HIPK2: variants seen among roughly 807,000 people sequenced by gnomAD.
HIPK2 encodes homeodomain interacting protein kinase 2.
HIPK2 carries 27 observed loss-of-function variants against 113.7 expected under a neutral mutation model. That is an observed-to-expected ratio of 0.24 (90% CI 0.17 to 0.33). The LOEUF (loss-of-function observed/expected upper bound fraction) is 0.33, where lower values mean the gene tolerates loss of function less well. Ranked by LOEUF, HIPK2 falls within the 10% of genes least tolerant of loss-of-function variation. The pLI, the probability that HIPK2 is intolerant of heterozygous loss-of-function variation, is 1.00. For synonymous variants in HIPK2, 631 were observed against 642.2 expected (o/e 0.98, Z 0.26); for missense variants, 1,257 against 1,588.0 (o/e 0.79, Z 3.54).
chr7:139,682,644 C>A (rs1207190718), intron 2 of HIPK2, among the ~76,000 whole-genome samples: 2 of 152,234 alleles, frequency 1.3e-5, no homozygotes, highest in Non-Finnish European at 2.9e-5. Context: ...TGCACCATGT[C>A]CTGCCACACA....
At chr7:139,689,902 C>G (rs1247881300) in intron 2 of HIPK2, among the ~76,000 whole-genome samples, 4 of 152,088 alleles carry the variant, frequency 2.6e-5, no homozygotes, top group Non-Finnish European at 4.4e-5. Context: ...GGACAAAGGC[C>G]TCAGGCAGCC....
At chr7:139,626,101 T>C (rs1200507958) in intron 6 of HIPK2, among the ~76,000 whole-genome samples, 1 of 145,688 alleles carries the variant, frequency 6.9e-6, no homozygotes, top group Admixed American at 6.6e-5. Context: ...TTTCTTTTTT[T>C]CTTTCCTTTT....
At chr7:139,607,331 A>T (rs80127504) in intron 9 of HIPK2, among the ~76,000 whole-genome samples, 1 of 152,132 alleles carries the variant, frequency 6.6e-6, no homozygotes, top group Non-Finnish European at 1.5e-5. Context: ...GAAAAAAAAA[A>T]TCCAGATTAA....
intron 1 of HIPK2, among the ~76,000 whole-genome samples, chr7:139,727,294 A>G (rs141586804): frequency 3.9e-5 from 6 of 152,334 alleles, no homozygotes; most frequent in African/African-American, 1.4e-4. Flanking sequence ...AAACAGAGAA[A>G]GAGTGGCAGA....
At chr7:139,760,837 C>G (rs1256215288) in intron 1 of HIPK2, among the ~76,000 whole-genome samples, 3 of 152,216 alleles carry the variant, frequency 2.0e-5, no homozygotes, top group Non-Finnish European at 2.9e-5. Context: ...ATTGTACTCT[C>G]TAATACCATT....
chr7:139,589,997 T>C (rs1482148457), intron 12 of HIPK2, among the ~76,000 whole-genome samples: 1 of 152,232 alleles, frequency 6.6e-6, no homozygotes, highest in Non-Finnish European at 1.5e-5. Context: ...CTCTGCGCTC[T>C]ACCTGAACAC....
At chr7:139,762,714 C>A (rs188184591) in intron 1 of HIPK2, among the ~76,000 whole-genome samples, 1 of 152,194 alleles carries the variant, frequency 6.6e-6, no homozygotes, top group Non-Finnish European at 1.5e-5. Context: ...GCATGTTGTA[C>A]AATCATTCAC....
intron 9 of HIPK2, among the ~76,000 whole-genome samples, chr7:139,609,701 T>C (rs1477439127): frequency 6.6e-6 from 1 of 152,206 alleles, no homozygotes; most frequent in Non-Finnish European, 1.5e-5. Flanking sequence ...TTTAAAAATA[T>C]CTAGGAGAGA....
chr7:139,655,760 T>C (rs1801644885), intron 2 of HIPK2, among the ~76,000 whole-genome samples: 1 of 152,070 alleles, frequency 6.6e-6, no homozygotes, highest in South Asian at 2.1e-4. Context: ...ATTGTGGTTA[T>C]GATTTTAAAG....
intron 13 of HIPK2, among the ~76,000 whole-genome samples, chr7:139,581,442 T>C (rs1798666227): frequency 1.3e-5 from 2 of 152,186 alleles, no homozygotes; most frequent in Non-Finnish European, 2.9e-5. Flanking sequence ...ATCCTTCCAA[T>C]AAGTTGTTTG....
chr7:139,580,493 T>C (rs1188494545), intron 13 of HIPK2, among the ~76,000 whole-genome samples: 1 of 152,232 alleles, frequency 6.6e-6, no homozygotes, highest in African/African-American at 2.4e-5. Context: ...CTAATGCTGG[T>C]CAACCTCCTA....
chr7:139,735,064 T>C (rs1165714097), intron 1 of HIPK2, among the ~76,000 whole-genome samples: 1 of 152,198 alleles, frequency 6.6e-6, no homozygotes, highest in Non-Finnish European at 1.5e-5. Context: ...CTAATCTTAG[T>C]GAAGTCTAGA....
chr7:139,651,332 G>C (rs747210321), intron 2 of HIPK2, among the ~76,000 whole-genome samples: 2 of 152,190 alleles, frequency 1.3e-5, no homozygotes, highest in Admixed American at 6.5e-5. Flanking sequence ...ACCCGGCACA[G>C]AGACAGACAC....
At chr7:139,707,884 C>G (rs1199525783) in intron 2 of HIPK2, among the ~76,000 whole-genome samples, 1 of 152,070 alleles carries the variant, frequency 6.6e-6, no homozygotes, top group Non-Finnish European at 1.5e-5. Context: ...GTTCACCTTT[C>G]TATTCCCACC....
At chr7:139,682,622 C>T (rs1039578366) in intron 2 of HIPK2, among the ~76,000 whole-genome samples, 4 of 152,184 alleles carry the variant, frequency 2.6e-5, no homozygotes, top group Admixed American at 2.0e-4. Context: ...TCATCTCCTC[C>T]CCACAGCACC....
chr7:139,643,582 A>T (rs1032289958), intron 2 of HIPK2, among the ~76,000 whole-genome samples: 1 of 152,212 alleles, frequency 6.6e-6, no homozygotes, highest in Admixed American at 6.5e-5. Flanking sequence ...CAGTTCTCAG[A>T]TGTCCAGAGC....
intron 7 of HIPK2, among the ~76,000 whole-genome samples, chr7:139,616,458 T>TA (rs2116811489): frequency 6.6e-6 from 1 of 152,286 alleles, no homozygotes; most frequent in African/African-American, 2.4e-5. Context: ...CTTCTAGACT[T>TA]ATCTCCCTCT....
intron 1 of HIPK2, among the ~76,000 whole-genome samples, chr7:139,724,585 G>A (rs185429996): frequency 0.024 from 3,649 of 151,806 alleles, 48 homozygotes; most frequent in Non-Finnish European, 0.04. Context: ...CAATGTGCAG[G>A]TTAGTTACAT....
At chr7:139,690,875 CT>C (rs1794385918) in intron 2 of HIPK2, among the ~76,000 whole-genome samples, 1 of 152,036 alleles carries the variant, frequency 6.6e-6, no homozygotes, top group African/African-American at 2.4e-5. Context: ...AACTTCTTTT[CT>C]TTATAAATTA....
Sources: gnomAD v4.1 joint callset for allele counts (sites outside exome capture counted in the v4.1 genomes callset) on GRCh38, gnomAD v4.1.1 for gene constraint, MANE v1.5 for transcripts, NCBI Gene and HGNC (gene_info 2026-07-23, HGNC 2026-07-21) for gene names.